SLC24A2: variants seen among roughly 807,000 people sequenced by gnomAD.
SLC24A2 encodes the protein sodium/potassium/calcium exchanger 2.
SLC24A2 carries 36 observed loss-of-function variants against 62.0 expected under a neutral mutation model. The ratio of observed to expected loss-of-function variants is 0.58; its 90% CI spans 0.44 to 0.77. The LOEUF (loss-of-function observed/expected upper bound fraction) is 0.77, where lower values mean the gene tolerates loss of function less well. Ranked by LOEUF, SLC24A2 falls within the 30% of genes least tolerant of loss-of-function variation. The probability of loss-of-function intolerance (pLI) is 0.00; values close to 1 mark genes in which losing one functional copy is unlikely to be tolerated. For synonymous variants in SLC24A2, 358 were observed against 294.0 expected (o/e 1.22, Z -2.23); for missense variants, 846 against 817.9 (o/e 1.03, Z -0.42).
the SLC24A2 span, among the ~76,000 whole-genome samples, chr9:19,902,224 T>A: frequency 1.3e-5 from 2 of 152,172 alleles, no homozygotes; most frequent in African/African-American, 4.8e-5. Flanking sequence ...GGCCAGGAAT[T>A]CAGTTTTTAA....
the SLC24A2 span, among the ~76,000 whole-genome samples, chr9:19,909,305 G>A: frequency 6.6e-6 from 1 of 152,138 alleles, no homozygotes; most frequent in Admixed American, 6.5e-5. Context: ...ACACAGGAAG[G>A]GGAACATCAC....
chr9:20,246,848 G>C, the SLC24A2 span, among the ~76,000 whole-genome samples: 1 of 152,186 alleles, frequency 6.6e-6, no homozygotes, highest in African/African-American at 2.4e-5. Flanking sequence ...ATCTGCACCA[G>C]TCCCAACTGA....
intron 10 of SLC24A2, among the ~76,000 whole-genome samples, chr9:19,519,299 G>C (rs1409569554): frequency 6.7e-6 from 1 of 150,304 alleles, no homozygotes; most frequent in Non-Finnish European, 1.5e-5. Context: ...ACAAAGAAGT[G>C]TTGTTTCCGA....
At chr9:19,788,569 T>A in intron 1 of SLC24A2, 1 of 985,408 alleles carries the variant, frequency 1.0e-6, no homozygotes, top group Non-Finnish European at 1.2e-6. Context: ...GGTGAGGCGC[T>A]TGGCCCGCAT....
intron 4 of SLC24A2, among the ~76,000 whole-genome samples, chr9:19,614,356 T>C (rs1394200026): frequency 1.3e-5 from 2 of 152,206 alleles, no homozygotes; most frequent in Non-Finnish European, 2.9e-5. Context: ...TTTGTGTCCC[T>C]GAAAAGGCAC....
At chr9:19,642,899 C>T (rs1406786850) in intron 2 of SLC24A2, among the ~76,000 whole-genome samples, 1 of 150,460 alleles carries the variant, frequency 6.6e-6, no homozygotes, top group African/African-American at 2.4e-5. Context: ...CCAAGATGGT[C>T]TCGATCTCCT....
chr9:19,974,030 T>C, the SLC24A2 span, among the ~76,000 whole-genome samples: 60 of 152,308 alleles, frequency 3.9e-4, no homozygotes, highest in Admixed American at 1.0e-3. Context: ...GATAATCTTA[T>C]CTCATAAGGA....
At chr9:20,231,978 A>C in the SLC24A2 span, among the ~76,000 whole-genome samples, 1 of 152,216 alleles carries the variant, frequency 6.6e-6, no homozygotes, top group Admixed American at 6.5e-5. Flanking sequence ...CCTTTTCTGC[A>C]TCTATTGAGA....
At chr9:20,282,582 C>T in the SLC24A2 span, among the ~76,000 whole-genome samples, 102 of 152,182 alleles carry the variant, frequency 6.7e-4, no homozygotes, top group African/African-American at 2.0e-3. Flanking sequence ...GCAGCAACCC[C>T]GCACCCCCAT....
chr9:19,595,259 A>C (rs1238529457), intron 5 of SLC24A2, among the ~76,000 whole-genome samples: 4 of 152,184 alleles, frequency 2.6e-5, no homozygotes, highest in Non-Finnish European at 5.9e-5. Context: ...TTATTTATGG[A>C]ATCAGCCTTG....
the SLC24A2 span, among the ~76,000 whole-genome samples, chr9:20,278,933 T>C: frequency 6.6e-6 from 1 of 152,168 alleles, no homozygotes; most frequent in African/African-American, 2.4e-5. Context: ...TGACTCACAG[T>C]TCCACAAGGA....
intron 8 of SLC24A2, among the ~76,000 whole-genome samples, chr9:19,547,130 T>C (rs55689299): frequency 6.6e-6 from 1 of 152,150 alleles, no homozygotes; most frequent in Non-Finnish European, 1.5e-5. Flanking sequence ...GCCCAGTGTT[T>C]GGCACATAAT....
chr9:19,818,764 C>T, the SLC24A2 span, among the ~76,000 whole-genome samples: 1 of 152,068 alleles, frequency 6.6e-6, no homozygotes, highest in African/African-American at 2.4e-5. Flanking sequence ...TGAAAATGAC[C>T]ATACTGCCAA....
chr9:19,722,096 A>G (rs1256342079), intron 2 of SLC24A2, among the ~76,000 whole-genome samples: 1 of 152,134 alleles, frequency 6.6e-6, no homozygotes, highest in Non-Finnish European at 1.5e-5. Flanking sequence ...TAGTTTTCGT[A>G]CATGTTACTT....
chr9:20,101,971 T>G, the SLC24A2 span, among the ~76,000 whole-genome samples: 1 of 152,090 alleles, frequency 6.6e-6, no homozygotes. Flanking sequence ...TTTTTTCTCT[T>G]TCAGTGTTCC....
At chr9:19,844,568 G>A in the SLC24A2 span, among the ~76,000 whole-genome samples, 180 of 151,902 alleles carry the variant, frequency 1.2e-3, 2 homozygotes, top group African/African-American at 4.2e-3. Context: ...TTGCTTTTGG[G>A]GATTTAGTCA....
chr9:19,609,396 G>A (rs1837081193), intron 4 of SLC24A2, among the ~76,000 whole-genome samples: 1 of 152,198 alleles, frequency 6.6e-6, no homozygotes, highest in South Asian at 2.1e-4. Flanking sequence ...CTCTGATCCA[G>A]CCTCTTCACC....
chr9:20,300,617 C>T, the SLC24A2 span, among the ~76,000 whole-genome samples: 2 of 152,160 alleles, frequency 1.3e-5, no homozygotes, highest in Non-Finnish European at 2.9e-5. Flanking sequence ...GCCTGGTACC[C>T]ATAGAGTCCC....
Position 19,786,194 on chromosome 9 carries a change from G to C in SLC24A2, c.673C>G (p.Leu225Val). The C allele has an allele frequency of 6.2e-7, 1 of 1,614,094 alleles. No individual in the cohort carries two copies. The highest frequency in any genetic ancestry group is 8.5e-7 in the Non-Finnish European group (1 of 1,180,036). ...NILFVIGMCALFSREILNLTW... is the reference protein window; with the variant it reads ...NILFVIGMCAVFSREILNLTW... ...AGGTTTAAGATTTCTCTAGAAAACA[G>C]AGCACACATGCCAATAACAAAGAGG... The change falls in exon 2 of 11, where the codon CTG (leucine) becomes GTG (valine). Residue 225 changes from leucine to valine, a missense_variant. Transcript: ENST00000341998. This position sits in a 1 kb window ranked among gnomAD's most constrained non-coding sequence, Gnocchi z 5.0.
Sources: allele counts gnomAD v4.1 joint callset (sites outside exome capture counted in the v4.1 genomes callset), GRCh38; gene constraint gnomAD v4.1.1; non-coding constraint Gnocchi (gnomAD v3.1); transcripts MANE v1.5; gene names NCBI Gene and HGNC (gene_info 2026-07-23, HGNC 2026-07-21).